Variants in CNBD1 observed in about 807,000 individuals in gnomAD.
The protein encoded by CNBD1 is cyclic nucleotide binding domain containing 1, also known as cyclic nucleotide-binding domain-containing protein 1.
A neutral mutation model predicts 54.4 loss-of-function variants in CNBD1; 71 were observed. The observed-to-expected ratio is 1.30, with a 90% CI of 1.08 to 1.59. The LOEUF (loss-of-function observed/expected upper bound fraction) is 1.59. Ranked by LOEUF, CNBD1 falls within the 40% of genes most tolerant of loss-of-function variation. CNBD1 has a pLI of 0.00. For synonymous variants in CNBD1, 182 were observed against 170.7 expected (o/e 1.07, Z -0.51); for missense variants, 659 against 518.0 (o/e 1.27, Z -2.64).
chr8:87,336,885 AC>A (rs752295037), intron 8 of CNBD1, among the ~76,000 whole-genome samples: 1 of 151,740 alleles, frequency 6.6e-6, no homozygotes. Context: ...TTTTTTGGTG[AC>A]TTTTTTTGTT....
At chr8:87,418,539 G>A (rs1170993352) in intron 2 of CNBD1, among the ~76,000 whole-genome samples, 4 of 151,706 alleles carry the variant, frequency 2.6e-5, no homozygotes, top group East Asian at 1.9e-4. Context: ...AAACTTTTAC[G>A]TTTCAAAGGA....
intron 6 of CNBD1, among the ~76,000 whole-genome samples, chr8:87,253,882 T>C (rs770307197): frequency 1.2e-4 from 19 of 152,098 alleles, no homozygotes; most frequent in Non-Finnish European, 2.5e-4. Flanking sequence ...TGGACGGGAA[T>C]TGGAATTTAG....
At chr8:86,878,228 A>AT (rs148370022) in intron 1 of CNBD1, among the ~76,000 whole-genome samples, 11,758 of 152,002 alleles carry the variant, frequency 0.077, 484 homozygotes, top group African/African-American at 0.099. Context: ...TAAATTAATC[A>AT]TTTTTACCTT....
chr8:87,288,560 C>G (rs1808735504), intron 8 of CNBD1, among the ~76,000 whole-genome samples: 1 of 152,054 alleles, frequency 6.6e-6, no homozygotes, highest in Non-Finnish European at 1.5e-5. Context: ...TAATGATAAT[C>G]TGTCTCTTGA....
intron 8 of CNBD1, among the ~76,000 whole-genome samples, chr8:87,342,420 T>A (rs1810083939): frequency 6.6e-6 from 1 of 152,210 alleles, no homozygotes; most frequent in Admixed American, 6.5e-5. Flanking sequence ...TATATTTCTC[T>A]CAGTTACTAC....
chr8:86,911,644 T>C (rs954199533), intron 3 of CNBD1, among the ~76,000 whole-genome samples: 1 of 152,174 alleles, frequency 6.6e-6, no homozygotes, highest in African/African-American at 2.4e-5. Flanking sequence ...AGATTATTGC[T>C]TACTGTAGTC....
At chr8:87,243,394 A>C (rs1378174995) in intron 6 of CNBD1, among the ~76,000 whole-genome samples, 1 of 152,230 alleles carries the variant, frequency 6.6e-6, no homozygotes, top group African/African-American at 2.4e-5. Context: ...GTAAAGGCAA[A>C]GTCATGTTTG....
intron 6 of CNBD1, among the ~76,000 whole-genome samples, chr8:87,238,240 A>G (rs1197350983): frequency 6.6e-6 from 1 of 152,068 alleles, no homozygotes; most frequent in Non-Finnish European, 1.5e-5. Flanking sequence ...GGGTAGAGAG[A>G]AGTTTCAGAG....
chr8:87,122,899 C>A (rs954093637), intron 4 of CNBD1, among the ~76,000 whole-genome samples: 4 of 151,686 alleles, frequency 2.6e-5, no homozygotes, highest in Non-Finnish European at 5.9e-5. Flanking sequence ...GGCTCACTGT[C>A]CTATTTGACT....
intron 2 of CNBD1, among the ~76,000 whole-genome samples, chr8:87,425,999 G>A (rs898629306): frequency 6.6e-6 from 1 of 152,232 alleles, no homozygotes; most frequent in African/African-American, 2.4e-5. Context: ...CTCTGAGCCA[G>A]GTGCAGGATA....
At chr8:87,289,339 T>A (rs1808747812) in intron 8 of CNBD1, among the ~76,000 whole-genome samples, 1 of 152,162 alleles carries the variant, frequency 6.6e-6, no homozygotes, top group Non-Finnish European at 1.5e-5. Context: ...GGGAACCTTA[T>A]TATAATGAAT....
chr8:87,377,233 T>C (rs865914056), intron 10 of CNBD1, among the ~76,000 whole-genome samples: 1,758 of 150,816 alleles, frequency 0.012, 34 homozygotes, highest in African/African-American at 0.039. Flanking sequence ...ACATGTGCCA[T>C]GCTGGTGCGC....
intron 3 of CNBD1, among the ~76,000 whole-genome samples, chr8:86,922,949 T>TG (rs1422989743): frequency 2.0e-5 from 3 of 151,984 alleles, no homozygotes; most frequent in Non-Finnish European, 4.4e-5. Flanking sequence ...ATGTTGGGGA[T>TG]GGGGGTGAGA....
At chr8:87,339,254 T>C (rs1321049502) in intron 8 of CNBD1, among the ~76,000 whole-genome samples, 1 of 152,198 alleles carries the variant, frequency 6.6e-6, no homozygotes, top group East Asian at 1.9e-4. Context: ...AACTCCAGGA[T>C]GTAAAAACTC....
rs58973406 is a variant in CNBD1, at chr8:87,045,724, C to CAAAAAAA, written c.431+105984_431+105990dup. Reference sequence around the variant, plus strand: ...TGGGCGACAGAGCAAGACTCCGTCTCAAAAAAAAAAAAAAAAAAAACAGTA... The same window carrying CAAAAAAA: ...TGGGCGACAGAGCAAGACTCCGTCTCAAAAAAAAAAAAAAAAAAAAAAAAAAACAGTA... On this transcript the variant is annotated intron_variant, in intron 4 of 10. Transcript: ENST00000518476. 5.5e-3 allele frequency among the ~76,000 whole-genome samples: 282 copies of CAAAAAAA among 51,050 alleles called. 5 individuals are homozygous for CAAAAAAA. The highest frequency in any genetic ancestry group is 0.021 in the African/African-American group (264 of 12,792). 33.5% of individuals were successfully genotyped at this position (51,050 alleles called of 152,430 possible).
At chr8:87,110,140 G>T (rs1456162546) in intron 4 of CNBD1, among the ~76,000 whole-genome samples, 1 of 152,120 alleles carries the variant, frequency 6.6e-6, no homozygotes, top group Non-Finnish European at 1.5e-5. Flanking sequence ...CCTCACAGTT[G>T]TCCTCAGGGG....
intron 2 of CNBD1, among the ~76,000 whole-genome samples, chr8:87,417,178 G>A (rs1586089822): frequency 6.6e-6 from 1 of 151,938 alleles, no homozygotes; most frequent in African/African-American, 2.4e-5. Flanking sequence ...TAATCAAGGT[G>A]GAAGGTGAAG....
At chr8:87,232,944 A>G (rs1563517582) in intron 5 of CNBD1, among the ~76,000 whole-genome samples, 1 of 152,154 alleles carries the variant, frequency 6.6e-6, no homozygotes, top group South Asian at 2.1e-4. Flanking sequence ...AACTAATTTA[A>G]TTATTATTAT....
intron 5 of CNBD1, among the ~76,000 whole-genome samples, chr8:87,227,139 C>T (rs1395776154): frequency 6.6e-6 from 1 of 152,156 alleles, no homozygotes; most frequent in African/African-American, 2.4e-5. Flanking sequence ...TGTGTCTCTG[C>T]ACATGAGATG....
Sources: allele counts gnomAD v4.1 joint callset (sites outside exome capture counted in the v4.1 genomes callset), GRCh38; gene constraint gnomAD v4.1.1; transcripts MANE v1.5; gene names NCBI Gene and HGNC (gene_info 2026-07-23, HGNC 2026-07-21).